Variants in TMEM273 observed in about 807,000 individuals in gnomAD.
The protein encoded by TMEM273 is chromosome 10 open reading frame 128.
TMEM273 carries 19 observed loss-of-function variants against 17.9 expected under a neutral mutation model. The observed-to-expected ratio is 1.06, with a 90% CI of 0.74 to 1.55. The LOEUF is 1.55. Ranked by LOEUF, TMEM273 falls within the 40% of genes most tolerant of loss-of-function variation. TMEM273 has a pLI of 0.00. For synonymous variants in TMEM273, 66 were observed against 62.0 expected (o/e 1.07, Z -0.31); for missense variants, 194 against 155.6 (o/e 1.25, Z -1.31).
intron 1 of TMEM273, among the ~76,000 whole-genome samples, chr10:49,186,563 C>T (rs1847742639): frequency 6.6e-6 from 1 of 152,204 alleles, no homozygotes; most frequent in Non-Finnish European, 1.5e-5. Flanking sequence ...ACATCCCATG[C>T]TAAGTGCTTT....
chr10:49,184,987 C>T (rs1162290639), intron 1 of TMEM273, among the ~76,000 whole-genome samples: 1 of 152,112 alleles, frequency 6.6e-6, no homozygotes, highest in Non-Finnish European at 1.5e-5. Context: ...TATGCTATGG[C>T]GGATTCCTGC....
chr10:49,158,557 C>T (rs1400430744), intron 6 of TMEM273, among the ~76,000 whole-genome samples: 3 of 152,134 alleles, frequency 2.0e-5, no homozygotes, highest in African/African-American at 4.8e-5. Flanking sequence ...AACGTGTGTG[C>T]GGGTGGAGGG....
At chr10:49,158,020 A>G (rs1009490616) in intron 6 of TMEM273, among the ~76,000 whole-genome samples, 2 of 152,208 alleles carry the variant, frequency 1.3e-5, no homozygotes, top group Non-Finnish European at 2.9e-5. Context: ...AATACAATCA[A>G]TGACCAGGTA....
intron 1 of TMEM273, among the ~76,000 whole-genome samples, chr10:49,186,066 G>GA (rs59494117): frequency 0.016 from 2,227 of 137,334 alleles, 41 homozygotes; most frequent in African/African-American, 0.037. Context: ...AGAAGAAGAA[G>GA]AGGAAGAAGA....
At chr10:49,157,443 G>C (rs144001111) in intron 6 of TMEM273, among the ~76,000 whole-genome samples, 22 of 152,254 alleles carry the variant, frequency 1.4e-4, no homozygotes, top group African/African-American at 4.1e-4. Flanking sequence ...GTGATTTAGT[G>C]GCTACTTAAC....
At chr10:49,158,142 TGAAACACACAAAAACA>T (rs1845621126) in intron 6 of TMEM273, among the ~76,000 whole-genome samples, 1 of 152,148 alleles carries the variant, frequency 6.6e-6, no homozygotes, top group Non-Finnish European at 1.5e-5. Flanking sequence ...AAAACTCTCC[TGAAACACACAAAAACA>T]GAAACACACA....
chr10:49,168,588 CG>C (rs1846345761), intron 1 of TMEM273, among the ~76,000 whole-genome samples: 1 of 151,538 alleles, frequency 6.6e-6, no homozygotes, highest in South Asian at 2.1e-4. Context: ...CTCTGGGCTG[CG>C]TGGTATAGTG....
intron 5 of TMEM273, among the ~76,000 whole-genome samples, chr10:49,162,255 T>C (rs1215068143): frequency 2.0e-5 from 3 of 152,222 alleles, no homozygotes; most frequent in Non-Finnish European, 4.4e-5. Context: ...CCCACACAGA[T>C]GTATGTGTGT....
Position 49,188,307 on chromosome 10 carries a change from G to A in TMEM273, c.30C>T (p.Ile10=). The A allele has an allele frequency of 6.2e-7, 1 of 1,614,176 alleles. No individual in the cohort carries two copies. The highest frequency in any genetic ancestry group is 8.5e-7 in the Non-Finnish European group (1 of 1,180,022). The change falls in exon 1 of 7, where the codon ATC becomes ATT. Residue 10 remains isoleucine, a synonymous_variant. Coordinates refer to ENST00000374153, the MANE Select transcript of TMEM273 (RefSeq NM_001288740.3). MNLGVSMLR[I]LFLLDVGGAQ... is the part of the protein sequence containing the mutation. ...GTCCCCACTTACCCAGGAGGAAGAG[G>A]ATCCTCAGCATGCTGACCCCCAAGT...
intron 1 of TMEM273, among the ~76,000 whole-genome samples, chr10:49,174,682 C>T (rs902834885): frequency 1.3e-5 from 2 of 151,998 alleles, no homozygotes; most frequent in African/African-American, 2.4e-5. Flanking sequence ...AAGGAACACA[C>T]GGGAAAAAGG....
intron 1 of TMEM273, among the ~76,000 whole-genome samples, chr10:49,177,602 G>C (rs562203972): frequency 6.6e-6 from 1 of 152,374 alleles, no homozygotes; most frequent in South Asian, 2.1e-4. Context: ...GCCTGAGCCT[G>C]AGTCACTGGC....
At position 49,155,551 on chromosome 10, in the gene TMEM273, T is replaced by A; in HGVS notation, c.*341A>T. ...CGGATTCCCCTTTTCATGAGCCATT[T>A]TCTGTGGTAGGTTCCACGGACATGG... On this transcript the variant is annotated 3_prime_UTR_variant, in exon 7 of 7. Transcript: ENST00000374153. The A allele has an allele frequency of 2.7e-6, 1 of 366,022 alleles. No homozygotes were observed. The allele number at this position is 366,022 out of a possible 1,614,324, so 22.7% of individuals were successfully genotyped here. A position where few individuals can be genotyped will look rare whatever the true frequency, so the allele number is the denominator to read the frequency against.
At chr10:49,169,015 G>A (rs1161915449) in intron 1 of TMEM273, among the ~76,000 whole-genome samples, 1 of 152,180 alleles carries the variant, frequency 6.6e-6, no homozygotes, top group Non-Finnish European at 1.5e-5. Flanking sequence ...AGGCATTGTG[G>A]TCTTGCTAAT....
At chr10:49,165,897 C>A (rs1346384192) in intron 3 of TMEM273, 101 bp from the exon 4 acceptor site, 9 of 1,501,336 alleles carry the variant, frequency 6.0e-6, no homozygotes, top group Non-Finnish European at 8.3e-6. Flanking sequence ...CTCTCACTCA[C>A]GGTTGCCCTC....
In TMEM273 at chr10:49,161,637, A is replaced by T; in HGVS notation, c.349-15T>A. The T allele has an allele frequency of 1.2e-6, 2 of 1,614,176 alleles. No homozygotes were observed. The highest frequency in any genetic ancestry group is 1.7e-6 in the Non-Finnish European group (2 of 1,179,990). On this transcript the variant is annotated splice_polypyrimidine_tract_variant and intron_variant, in intron 5 of 6. Transcript: ENST00000374153. ...TGTGGTTTCGCCTGCAAAACAAGAT[A>T]AAAGGGTGTTCATTGCCTAAGCCTT... is the stretch of plus-strand genomic sequence containing the variant.
At chr10:49,168,001 G>C (rs775504884) in intron 1 of TMEM273, 39 bp from the exon 2 acceptor site, 1 of 1,612,310 alleles carries the variant, frequency 6.2e-7, no homozygotes, top group African/African-American at 1.3e-5. Context: ...TTAGAACAGA[G>C]CTGGCTGTGG....
intron 1 of TMEM273, among the ~76,000 whole-genome samples, chr10:49,186,160 A>T (rs2132312176): frequency 1.3e-5 from 2 of 152,110 alleles, no homozygotes; most frequent in Admixed American, 1.3e-4. Flanking sequence ...CATGCAAAAT[A>T]TTACTACGGA....
At chr10:49,157,574 T>C (rs1386660405) in intron 6 of TMEM273, among the ~76,000 whole-genome samples, 1 of 152,202 alleles carries the variant, frequency 6.6e-6, no homozygotes, top group Non-Finnish European at 1.5e-5. Flanking sequence ...AGCCCCAGGG[T>C]TCATCTGGTT....
chr10:49,176,744 G>A (rs879536936), intron 1 of TMEM273, among the ~76,000 whole-genome samples: 23 of 152,074 alleles, frequency 1.5e-4, no homozygotes, highest in Non-Finnish European at 2.5e-4. Context: ...CAGAGGAAAC[G>A]GCAGCACACA....
Sources: allele counts gnomAD v4.1 joint callset (sites outside exome capture counted in the v4.1 genomes callset), GRCh38; gene constraint gnomAD v4.1.1; transcripts MANE v1.5; gene names NCBI Gene and HGNC (gene_info 2026-07-23, HGNC 2026-07-21).